TBC1D24: variants seen among roughly 807,000 people sequenced by gnomAD.
TBC1D24 encodes the protein TBC1 domain family member 24, also known as Infantile myoclonic epilepsy.
A neutral mutation model predicts 50.7 loss-of-function variants in TBC1D24; 47 were observed. That is an observed-to-expected ratio of 0.93 (90% confidence interval 0.73 to 1.18). The LOEUF (loss-of-function observed/expected upper bound fraction) is 1.18. TBC1D24 is among the 50% of genes most tolerant of loss of function. The probability of loss-of-function intolerance (pLI) is 0.00; values close to 1 mark genes in which losing one functional copy is unlikely to be tolerated. For synonymous variants in TBC1D24, 324 were observed against 335.2 expected (o/e 0.97, Z 0.36); for missense variants, 688 against 766.5 (o/e 0.90, Z 1.21).
chr16:2,500,864 AC>A lies in TBC1D24; in HGVS notation c.1587del (p.Cys530AlafsTer38). ...DGDLNRGRTS[H>X]CDTFNNQPLC... ...GACCTGAACCGGGGCCGCACAAGCC[AC>A]TGCGACACCTTCAACAACCAGCCCC... On this transcript the variant is annotated frameshift_variant, in exon 8 of 8. Coordinates refer to ENST00000646147, the MANE Select transcript of TBC1D24 (RefSeq NM_001199107.2). LOFTEE classifies it high-confidence loss of function. This position sits in a 1 kb window ranked among gnomAD's most constrained non-coding sequence, Gnocchi z 8.0. 6.2e-7 allele frequency: 1 copy of A among 1,612,670 alleles called. No individual in the cohort carries two copies. Among genetic ancestry groups the A allele is most frequent in the Non-Finnish European group, 8.5e-7 (1 of 1,179,956 alleles).
At position 2,500,369 on chromosome 16, in the gene TBC1D24, C is replaced by T; in HGVS notation, c.1404C>T (p.Ser468=). The T allele has an allele frequency of 6.2e-7, 1 of 1,608,388 alleles. No homozygotes were observed. The highest frequency in any genetic ancestry group is 8.5e-7 in the Non-Finnish European group (1 of 1,178,066). ...LMAAEPTAPL[S]HSASSDPADR... is the part of the protein sequence containing the mutation. ...CTGCCGAGCCCACCGCCCCACTCAG[C>T]CACTCCGCCTCCTCAGACCCCGCTG... Residue 468 remains serine (S), a synonymous_variant, in exon 7 of 8, where the codon AGC becomes AGT. Coordinates refer to ENST00000646147, the MANE Select transcript of TBC1D24 (RefSeq NM_001199107.2). This position sits in a 1 kb window ranked among gnomAD's most constrained non-coding sequence, Gnocchi z 8.0.
At chr16:2,478,842 C>T (rs571793190) in intron 1 of TBC1D24, 1 of 151,662 alleles carries the variant, frequency 6.6e-6, no homozygotes, top group East Asian at 1.9e-4. Flanking sequence ...CAAGCGATCC[C>T]CTTGCCTCAG....
In TBC1D24 at chr16:2,501,385, G is replaced by A. The variant is rs554966789; in HGVS notation, c.*427G>A. The A allele has an allele frequency of 2.0e-4, 44 of 224,092 alleles. No homozygotes were observed. The highest frequency in any genetic ancestry group is 9.3e-4 in the South Asian group (15 of 16,138). 13.9% of individuals were successfully genotyped at this position (224,092 alleles called of 1,614,324 possible). A position where few individuals can be genotyped will look rare whatever the true frequency, so the allele number is the denominator to read the frequency against. The stretch of plus-strand genomic sequence containing the variant: ...GCCTGTGGTGCCCCCTGCTGGTGCC[G>A]CATAGCATCGCGCCCTCCTGAGCAG... On this transcript the variant is annotated 3_prime_UTR_variant, in exon 8 of 8. Coordinates refer to ENST00000646147, the MANE Select transcript of TBC1D24 (RefSeq NM_001199107.2).
In TBC1D24 at chr16:2,495,069, CAG is replaced by C. The variant is rs2065726379; in HGVS notation, c.-115-964_-115-963del. On this transcript the variant is annotated intron_variant, in intron 1 of 7. Coordinates refer to ENST00000646147, the MANE Select transcript of TBC1D24 (RefSeq NM_001199107.2). ...ATAATAATAATAATAAACAAAAAAA[CAG>C]GCCAGGAGCACTGGCTCACACTTGT... 2.0e-5 allele frequency among the ~76,000 whole-genome samples: 3 copies of C among 151,662 alleles called. No homozygotes were observed. In the South Asian group the frequency reaches 6.2e-4, roughly 32 times the overall value.
At chr16:2,492,863 C>A (rs9939079) in intron 1 of TBC1D24, among the ~76,000 whole-genome samples, 2,465 of 152,168 alleles carry the variant, frequency 0.016, 80 homozygotes, top group African/African-American at 0.056. Flanking sequence ...GAGGCTGAGG[C>A]GGGCGGATCA....
chr16:2,492,987 G>A (rs928125929), intron 1 of TBC1D24, among the ~76,000 whole-genome samples: 31 of 151,942 alleles, frequency 2.0e-4, no homozygotes, highest in African/African-American at 7.5e-4. Context: ...AGCTACTTGG[G>A]AGGCTGAGGC....
rs1351414664 is a variant in TBC1D24 at position 2,497,037 on chromosome 16, C to T, written c.889C>T (p.Arg297Cys). The T allele has an allele frequency of 4.3e-6, 7 of 1,613,414 alleles. No individual in the cohort carries two copies. Among genetic ancestry groups the T allele is most frequent in the African/African-American group, 1.3e-5 (1 of 75,066 alleles). Residue 297 changes from arginine (R) to cysteine (C), a missense_variant, in exon 2 of 8, where the codon CGC (arginine) becomes TGC (cysteine). Coordinates refer to ENST00000646147, the MANE Select transcript of TBC1D24 (RefSeq NM_001199107.2). ...EKAFAIRLFS[R>C]KEIQLLQMAN... is the part of the protein sequence containing the mutation. ...AGCGTTCGCCATCCGCCTCTTCTCC[C>T]GCAAGGAGATCCAGCTCCTGCAGAT...
chr16:2,494,012 A>T (rs2065717078), intron 1 of TBC1D24, among the ~76,000 whole-genome samples: 1 of 152,248 alleles, frequency 6.6e-6, no homozygotes, highest in Non-Finnish European at 1.5e-5. Context: ...TGCCTGAAGC[A>T]TAGCTTTCAA....
At position 2,486,270 on chromosome 16, in the gene TBC1D24, G is replaced by A. The variant is rs1040995328; in HGVS notation, c.-115-9764G>A. 2.0e-5 allele frequency among the ~76,000 whole-genome samples: 3 copies of A among 152,176 alleles called. No homozygotes were observed. Among genetic ancestry groups the A allele is most frequent in the African/African-American group, 4.8e-5 (2 of 41,450 alleles). On this transcript the variant is annotated intron_variant, in intron 1 of 7. Coordinates refer to ENST00000646147, the MANE Select transcript of TBC1D24 (RefSeq NM_001199107.2). This position sits in a 1 kb window ranked among gnomAD's most constrained non-coding sequence, Gnocchi z 5.8. ...CCTCCTTCCTGTGGTCCCTAGCTGC[G>A]GGCGTTGGCGTTCCCCACCCATGGG...
chr16:2,486,691 C>A lies in TBC1D24; in HGVS notation c.-115-9343C>A, dbSNP rs1022343576. On this transcript the variant is annotated intron_variant, in intron 1 of 7. Coordinates refer to ENST00000646147, the MANE Select transcript of TBC1D24 (RefSeq NM_001199107.2). This position sits in a 1 kb window ranked among gnomAD's most constrained non-coding sequence, Gnocchi z 5.8. ...GTGCCTTCTGTGCTGTGGGCCTCATCCCCAGGGCTCTACCTCCAGCCTGAG... is the reference window on the plus strand; with the variant it reads ...GTGCCTTCTGTGCTGTGGGCCTCATACCCAGGGCTCTACCTCCAGCCTGAG... Among the ~76,000 whole-genome samples, 4 of 152,238 alleles carry A rather than the reference C, an allele frequency of 2.6e-5. No individual in the cohort carries two copies. Among genetic ancestry groups the A allele is most frequent in the Non-Finnish European group, 5.9e-5 (4 of 68,036 alleles).
rs114810921 is a variant in TBC1D24 at position 2,499,625 on chromosome 16, G to A, written c.1206+205G>A. Among the ~76,000 whole-genome samples, 25 of 151,864 alleles carry A rather than the reference G, an allele frequency of 1.6e-4. No individual in the cohort carries two copies. The highest frequency in any genetic ancestry group is 4.6e-4 in the Admixed American group (7 of 15,284). On this transcript the variant is annotated intron_variant, in intron 5 of 7. Transcript: ENST00000646147. This position sits in a 1 kb window ranked among gnomAD's most constrained non-coding sequence, Gnocchi z 4.0. ...TGAGACTATCCCCAACACAGCCCCC[G>A]CCCACCCTCATTGCCAGCCCCAAGC...
intron 1 of TBC1D24, among the ~76,000 whole-genome samples, chr16:2,490,350 G>A (rs1206743789): frequency 6.6e-6 from 1 of 152,254 alleles, no homozygotes; most frequent in Non-Finnish European, 1.5e-5. Context: ...CGGAGAACCA[G>A]CGCCACCTCA....
intron 2 of TBC1D24, among the ~76,000 whole-genome samples, 185 bp from the exon 3 acceptor site, chr16:2,497,525 A>C (rs2065754125): frequency 6.6e-6 from 1 of 152,180 alleles, no homozygotes; most frequent in African/African-American, 2.4e-5. Context: ...TCAGGAGTTC[A>C]TGGTGTCTGT....
chr16:2,498,479 C>T, intron 4 of TBC1D24, 83 bp downstream of exon 4: 1 of 1,337,120 alleles, frequency 7.5e-7, no homozygotes, highest in Non-Finnish European at 1.0e-6. Context: ...GGGCCTCAAA[C>T]CTCGGCACCT....
chr16:2,500,452 C>A lies in TBC1D24; in HGVS notation c.1487C>A (p.Ser496Tyr). Residue 496 changes from serine to tyrosine, a missense_variant, in exon 7 of 8, where the codon TCC becomes TAC. By Grantham distance (144) the Ser-to-Tyr change is moderately radical (BLOSUM62 -2). Coordinates refer to ENST00000646147, the MANE Select transcript of TBC1D24 (RefSeq NM_001199107.2). This position sits in a 1 kb window ranked among gnomAD's most constrained non-coding sequence, Gnocchi z 8.0. Reference sequence around the variant, plus strand: ...TTCAACCTGCCCTCCAAGACCGAGTCCATGTTCATGGCGGGGGGCAGCGAC... The same window carrying A: ...TTCAACCTGCCCTCCAAGACCGAGTACATGTTCATGGCGGGGGGCAGCGAC... ...RHFNLPSKTE[S>Y]MFMAGGSDCL... The A allele has an allele frequency of 6.3e-7, 1 of 1,597,780 alleles. No individual in the cohort carries two copies. Among genetic ancestry groups the A allele is most frequent in the East Asian group, 2.3e-5 (1 of 44,086 alleles).
intron 1 of TBC1D24, among the ~76,000 whole-genome samples, chr16:2,476,360 C>T (rs1015525686): frequency 3.3e-5 from 5 of 152,244 alleles, no homozygotes; most frequent in Middle Eastern, 3.4e-3. Flanking sequence ...TCAGTTGCGG[C>T]GAAGACAAGC....
chr16:2,498,144 G>C, intron 3 of TBC1D24, 94 bp from the exon 4 acceptor site: 1 of 1,494,868 alleles, frequency 6.7e-7, no homozygotes, highest in Non-Finnish European at 9.0e-7. Context: ...TTCCCTCTGG[G>C]TTTACTTCCA....
rs1018291922 is a variant in TBC1D24, at chr16:2,475,160, G to C, written c.-126G>C. 6.6e-6 allele frequency: 1 copy of C among 150,402 alleles called. No individual in the cohort carries two copies. The highest frequency in any genetic ancestry group is 2.4e-5 in the African/African-American group (1 of 41,160). The allele number at this position is 150,402 out of a possible 1,614,324, so 9.3% of individuals were successfully genotyped here. On this transcript the variant is annotated 5_prime_UTR_variant, in exon 1 of 8. Coordinates refer to ENST00000646147, the MANE Select transcript of TBC1D24 (RefSeq NM_001199107.2). The surrounding 1 kb of genome is among the most constrained non-coding windows in gnomAD (Gnocchi z 4.2). ...CGGCGCGGCAGGCTGAGGAGAAAGC[G>C]GCGCGCGGAGGTGGGTGCGCTCGGG...
intron 1 of TBC1D24, among the ~76,000 whole-genome samples, chr16:2,490,423 A>G (rs1366409800): frequency 6.6e-6 from 1 of 152,176 alleles, no homozygotes; most frequent in African/African-American, 2.4e-5. Context: ...AAGGCAGTGC[A>G]GTGTTCATGG....
Sources: allele counts gnomAD v4.1 joint callset (sites outside exome capture counted in the v4.1 genomes callset), GRCh38; gene constraint gnomAD v4.1.1; non-coding constraint Gnocchi (gnomAD v3.1); transcripts MANE v1.5; gene names NCBI Gene and HGNC (gene_info 2026-07-23, HGNC 2026-07-21).